CDH13: variants seen among roughly 807,000 people sequenced by gnomAD.
CDH13 encodes the protein cadherin 13, also known as cadherin-13.
Under a neutral mutation model 63.8 loss-of-function variants are expected in CDH13, and 24 were observed. The observed-to-expected ratio is 0.38, with a 90% CI of 0.27 to 0.53. The LOEUF is 0.53. Ranked by LOEUF, CDH13 falls within the 20% of genes least tolerant of loss-of-function variation. The probability of loss-of-function intolerance (pLI) is 0.85; values close to 1 mark genes in which losing one functional copy is unlikely to be tolerated. For synonymous variants in CDH13, 503 were observed against 355.3 expected (o/e 1.42, Z -4.67); for missense variants, 1,049 against 903.1 (o/e 1.16, Z -2.07).
chr16:83,212,491 T>C (rs2039368718), intron 4 of CDH13, among the ~76,000 whole-genome samples: 1 of 152,194 alleles, frequency 6.6e-6, no homozygotes, highest in African/African-American at 2.4e-5. Flanking sequence ...CACGTAGAGA[T>C]GTTGCATCTA....
rs140550406 is a variant in CDH13, at chr16:82,697,854, G to T, written c.45+70717G>T. Among the ~76,000 whole-genome samples, 6 of 152,028 alleles carry T rather than the reference G, an allele frequency of 3.9e-5. No homozygotes were observed. In the East Asian group the frequency reaches 1.2e-3, roughly 29 times the overall value. On this transcript the variant is annotated intron_variant, in intron 1 of 13. Transcript: ENST00000567109. ...AATATATAGAATTTATATTTGCACT[G>T]CTGATAATAGCTTGTAATAAAGCTG...
At chr16:83,499,929 A>G (rs4542652) in intron 7 of CDH13, among the ~76,000 whole-genome samples, 65,717 of 151,952 alleles carry the variant, frequency 0.43, 14,504 homozygotes, top group Middle Eastern at 0.54. Flanking sequence ...CAGCCTCCCA[A>G]GTAGCTGGGA....
chr16:83,309,698 T>C (rs997341219), intron 5 of CDH13, among the ~76,000 whole-genome samples: 9 of 152,200 alleles, frequency 5.9e-5, no homozygotes, highest in African/African-American at 2.2e-4. Flanking sequence ...ACTTGGAATG[T>C]CCTGTTGCAA....
chr16:83,480,324 A>G (rs2073729261), intron 6 of CDH13, among the ~76,000 whole-genome samples: 1 of 152,166 alleles, frequency 6.6e-6, no homozygotes, highest in Non-Finnish European at 1.5e-5. Flanking sequence ...TCAAACAACA[A>G]CAATAAAATT....
intron 3 of CDH13, among the ~76,000 whole-genome samples, chr16:83,076,634 A>G (rs1056494427): frequency 1.3e-5 from 2 of 150,698 alleles, no homozygotes; most frequent in African/African-American, 4.9e-5. Flanking sequence ...AAATATACAC[A>G]TCACACACAC....
intron 4 of CDH13, among the ~76,000 whole-genome samples, chr16:83,161,912 G>C (rs1380524285): frequency 6.6e-6 from 1 of 152,172 alleles, no homozygotes; most frequent in Non-Finnish European, 1.5e-5. Context: ...TCGATCCAGA[G>C]AACAAATGAT....
chr16:82,897,724 A>G (rs1226471690), intron 2 of CDH13, among the ~76,000 whole-genome samples: 1 of 152,214 alleles, frequency 6.6e-6, no homozygotes, highest in Non-Finnish European at 1.5e-5. Flanking sequence ...GTGGAGAAAT[A>G]CTCTGCCCTG....
At chr16:83,011,743 T>G (rs910693646) in intron 2 of CDH13, among the ~76,000 whole-genome samples, 8 of 152,178 alleles carry the variant, frequency 5.3e-5, no homozygotes, top group African/African-American at 1.9e-4. Flanking sequence ...TAAGCTTTCA[T>G]TTTCCAATGC....
At chr16:82,928,002 G>A (rs1392199772) in intron 2 of CDH13, among the ~76,000 whole-genome samples, 1 of 152,192 alleles carries the variant, frequency 6.6e-6, no homozygotes, top group Non-Finnish European at 1.5e-5. Flanking sequence ...TAGTAGCTAT[G>A]TTTTTGCTGT....
At chr16:82,914,657 G>T (rs1017213152) in intron 2 of CDH13, among the ~76,000 whole-genome samples, 2 of 152,162 alleles carry the variant, frequency 1.3e-5, no homozygotes, top group Non-Finnish European at 2.9e-5. Flanking sequence ...TTGAAGCTTG[G>T]TCAGCCCTGG....
chr16:83,031,282 C>A (rs1455985755), intron 2 of CDH13, among the ~76,000 whole-genome samples: 2 of 144,950 alleles, frequency 1.4e-5, no homozygotes, highest in African/African-American at 5.1e-5. Context: ...ATGTATACAC[C>A]ATATACATGC....
intron 5 of CDH13, among the ~76,000 whole-genome samples, chr16:83,231,196 A>C (rs1318070624): frequency 6.6e-6 from 1 of 151,932 alleles, no homozygotes; most frequent in Non-Finnish European, 1.5e-5. Context: ...CCCTATCCTC[A>C]CTTCCCTCTT....
chr16:83,071,160 G>A (rs192388510), intron 3 of CDH13, among the ~76,000 whole-genome samples: 1 of 152,088 alleles, frequency 6.6e-6, no homozygotes, highest in African/African-American at 2.4e-5. Flanking sequence ...GTGTCATTCT[G>A]AACATTCTCA....
intron 2 of CDH13, chr16:82,953,440 A>G (rs1363520053): frequency 6.6e-6 from 1 of 152,198 alleles, no homozygotes; most frequent in African/African-American, 2.4e-5. Flanking sequence ...GCTATTTTAA[A>G]TATTTCAGAA....
rs144860163 is a variant in CDH13, at chr16:83,320,740, A to C, written c.637-24122A>C. The stretch of plus-strand genomic sequence containing the variant: ...GTCATTAGTTCCGGTTGCTTATTAG[A>C]GTGTGTAGACCAAGCGCAAGGAATG... On this transcript the variant is annotated intron_variant, in intron 5 of 13. Transcript: ENST00000567109. 1.1e-3 allele frequency among the ~76,000 whole-genome samples: 160 copies of C among 152,316 alleles called. 1 individual carries two copies. The highest frequency in any genetic ancestry group is 3.7e-3 in the African/African-American group (152 of 41,570).
At chr16:82,962,024 CAT>C (rs569342101) in intron 2 of CDH13, among the ~76,000 whole-genome samples, 1,661 of 152,270 alleles carry the variant, frequency 0.011, 94 homozygotes, top group Admixed American at 0.1. Context: ...GGTAAAATAA[CAT>C]AGATGCTATG....
chr16:83,345,373 C>T (rs1244550640), intron 6 of CDH13, among the ~76,000 whole-genome samples: 1 of 152,208 alleles, frequency 6.6e-6, no homozygotes, highest in Non-Finnish European at 1.5e-5. Flanking sequence ...CCATTACAAA[C>T]TCCTCAGTTC....
chr16:83,787,304 TG>T (rs1915950584), intron 13 of CDH13, among the ~76,000 whole-genome samples: 1 of 152,144 alleles, frequency 6.6e-6, no homozygotes, highest in African/African-American at 2.4e-5. Flanking sequence ...TCATCTTTAT[TG>T]TTTGTTTGTT....
At chr16:82,741,598 T>C (rs535195894) in intron 1 of CDH13, among the ~76,000 whole-genome samples, 55 of 152,350 alleles carry the variant, frequency 3.6e-4, no homozygotes, top group African/African-American at 1.3e-3. Context: ...GCCTGTAACA[T>C]GGTAGGCTTC....
Sources: gnomAD v4.1 joint callset for allele counts (sites outside exome capture counted in the v4.1 genomes callset) on GRCh38, gnomAD v4.1.1 for gene constraint, MANE v1.5 for transcripts, NCBI Gene and HGNC (gene_info 2026-07-23, HGNC 2026-07-21) for gene names.